Variants in PDE4D observed in about 807,000 individuals in gnomAD.
PDE4D encodes the protein 3',5'-cyclic-AMP phosphodiesterase 4D.
PDE4D carries 24 observed loss-of-function variants against 87.4 expected under a neutral mutation model. The ratio of observed to expected loss-of-function variants is 0.27; its 90% CI spans 0.20 to 0.39. The LOEUF is 0.39. Ranked by LOEUF, PDE4D falls within the 10% of genes least tolerant of loss-of-function variation. The probability of loss-of-function intolerance (pLI) is 1.00; values close to 1 mark genes in which losing one functional copy is unlikely to be tolerated. For synonymous variants in PDE4D, 384 were observed against 383.2 expected (o/e 1.00, Z -0.02); for missense variants, 714 against 1,041.0 (o/e 0.69, Z 4.32).
At chr5:59,159,414 T>A (rs922508153) in intron 5 of PDE4D, among the ~76,000 whole-genome samples, 1 of 152,208 alleles carries the variant, frequency 6.6e-6, no homozygotes, top group Admixed American at 6.5e-5. Context: ...ATTAGAGGTG[T>A]GAGCCACCAC....
chr5:60,185,991 G>T (rs1784754021), intron 1 of PDE4D, among the ~76,000 whole-genome samples: 2 of 149,756 alleles, frequency 1.3e-5, no homozygotes, highest in Admixed American at 1.3e-4. Context: ...TGTATAAAAT[G>T]AAGATGCAAA....
chr5:60,400,521 CAAAAAAAAAAAA>C (rs56750243), intron 1 of PDE4D, among the ~76,000 whole-genome samples: 5 of 62,356 alleles, frequency 8.0e-5, no homozygotes, highest in Non-Finnish European at 1.4e-4. Flanking sequence ...GACTCCATCT[CAAAAAAAAAAAA>C]AAAAAAAAAA....
chr5:60,470,166 A>G (rs1161525902), intron 1 of PDE4D, among the ~76,000 whole-genome samples: 1 of 152,204 alleles, frequency 6.6e-6, no homozygotes, highest in Non-Finnish European at 1.5e-5. Flanking sequence ...TGAATAGAAG[A>G]TCAAACCAGT....
chr5:59,347,716 T>A (rs1422346861), intron 1 of PDE4D, among the ~76,000 whole-genome samples: 1 of 152,140 alleles, frequency 6.6e-6, no homozygotes, highest in African/African-American at 2.4e-5. Flanking sequence ...CTTTTCATCT[T>A]CCTCCTTGTT....
At chr5:60,142,063 C>A (rs1780578366) in intron 2 of PDE4D, among the ~76,000 whole-genome samples, 1 of 152,038 alleles carries the variant, frequency 6.6e-6, no homozygotes, top group African/African-American at 2.4e-5. Context: ...AAAACATGTA[C>A]CTTTACATTG....
chr5:60,373,771 C>A (rs1699685367), intron 1 of PDE4D, among the ~76,000 whole-genome samples: 1 of 152,158 alleles, frequency 6.6e-6, no homozygotes, highest in African/African-American at 2.4e-5. Context: ...AATCTATTTT[C>A]CTGCTTTTTC....
intron 2 of PDE4D, among the ~76,000 whole-genome samples, chr5:60,057,792 T>A (rs989924672): frequency 4.6e-5 from 7 of 152,038 alleles, no homozygotes; most frequent in Non-Finnish European, 7.4e-5. Flanking sequence ...AAAGCCATTT[T>A]TCATTTGAAG....
At chr5:59,197,522 T>C (rs1745730919) in intron 2 of PDE4D, among the ~76,000 whole-genome samples, 1 of 152,246 alleles carries the variant, frequency 6.6e-6, no homozygotes, top group South Asian at 2.1e-4. Context: ...TATCTTTGAA[T>C]ATATACCTAA....
intron 1 of PDE4D, among the ~76,000 whole-genome samples, chr5:59,450,128 C>A (rs2153639874): frequency 6.6e-6 from 1 of 152,280 alleles, no homozygotes; most frequent in South Asian, 2.1e-4. Flanking sequence ...AAGCTCTATT[C>A]TGACTATGTA....
intron 2 of PDE4D, among the ~76,000 whole-genome samples, chr5:60,073,801 TTG>T (rs1211627604): frequency 6.6e-6 from 1 of 152,148 alleles, no homozygotes; most frequent in Non-Finnish European, 1.5e-5. Context: ...ATTTTCTAGT[TTG>T]TGTGCATAGT....
In PDE4D at chr5:59,560,430, C is replaced by T. The variant is rs568664822; in HGVS notation, c.455+332738G>A. 5.9e-5 allele frequency among the ~76,000 whole-genome samples: 9 copies of T among 152,296 alleles called. No individual in the cohort carries two copies. In the South Asian group the frequency reaches 8.3e-4, roughly 14 times the overall value. On this transcript the variant is annotated intron_variant, in intron 1 of 14. Coordinates refer to ENST00000340635, the MANE Select transcript of PDE4D (RefSeq NM_001104631.2). ...TTCATTCACTCACTCATTCATTCAA[C>T]AAGTATGTATTGAACTCCAATTCAG... is the stretch of plus-strand genomic sequence containing the variant.
intron 1 of PDE4D, among the ~76,000 whole-genome samples, chr5:59,394,777 C>G (rs112944936): frequency 0.041 from 6,269 of 152,204 alleles, 448 homozygotes; most frequent in African/African-American, 0.14. Context: ...CCAGCCTGAG[C>G]GACGCAGAAG....
Position 60,075,000 on chromosome 5 carries a change from T to C in PDE4D, c.43-86283A>G, listed in dbSNP as rs143867886. 5.3e-3 allele frequency among the ~76,000 whole-genome samples: 811 copies of C among 152,310 alleles called. 7 individuals are homozygous for C. The highest frequency in any genetic ancestry group is 0.018 in the African/African-American group (745 of 41,568). ...TTTAATTGGGAGCATTTAGGACATTTACCTTGAAGGTTGGTATTAATTTGT... is the reference window on the plus strand; with the variant it reads ...TTTAATTGGGAGCATTTAGGACATTCACCTTGAAGGTTGGTATTAATTTGT... On this transcript the variant is annotated intron_variant, in intron 2 of 16. Coordinates refer to the PDE4D transcript ENST00000502484.
At chr5:59,295,712 C>T (rs939860717) in intron 1 of PDE4D, among the ~76,000 whole-genome samples, 4 of 152,038 alleles carry the variant, frequency 2.6e-5, no homozygotes, top group African/African-American at 9.7e-5. Flanking sequence ...ATGTGAATAT[C>T]GTGTCTTTAA....
At chr5:59,460,300 G>A (rs1458016698) in intron 1 of PDE4D, among the ~76,000 whole-genome samples, 1 of 152,124 alleles carries the variant, frequency 6.6e-6, no homozygotes, top group Non-Finnish European at 1.5e-5. Flanking sequence ...TAAAATTAAA[G>A]TAGACAAACA....
chr5:60,034,642 T>C (rs1409716133), intron 2 of PDE4D, among the ~76,000 whole-genome samples: 1 of 152,162 alleles, frequency 6.6e-6, no homozygotes, highest in Admixed American at 6.5e-5. Flanking sequence ...ATTCACAGGT[T>C]ATGGAAATTA....
At chr5:59,815,522 T>C (rs184894452) in intron 1 of PDE4D, among the ~76,000 whole-genome samples, 4 of 152,294 alleles carry the variant, frequency 2.6e-5, no homozygotes, top group African/African-American at 9.6e-5. Context: ...CTCAGTGTTT[T>C]TAGTTCTCAA....
chr5:59,200,183 ATG>A (rs1561689679), intron 2 of PDE4D, among the ~76,000 whole-genome samples: 16 of 138,154 alleles, frequency 1.2e-4, no homozygotes, highest in African/African-American at 3.8e-4. Flanking sequence ...GTATGTATAT[ATG>A]TATACATACA....
chr5:60,390,385 C>T (rs763005926), intron 1 of PDE4D, among the ~76,000 whole-genome samples: 4 of 152,208 alleles, frequency 2.6e-5, no homozygotes, highest in Non-Finnish European at 5.9e-5. Context: ...GAGTTTAGCG[C>T]AACCCCAATT....
Sources: gnomAD v4.1 joint callset for allele counts (sites outside exome capture counted in the v4.1 genomes callset) on GRCh38, gnomAD v4.1.1 for gene constraint, MANE v1.5 for transcripts, NCBI Gene and HGNC (gene_info 2026-07-23, HGNC 2026-07-21) for gene names.